Variants in GALNT14 observed in about 807,000 individuals in gnomAD.
The protein encoded by GALNT14 is UDP-GalNAc:polypeptide N-acetylgalactosaminyltransferase 14.
A neutral mutation model predicts 77.5 loss-of-function variants in GALNT14; 60 were observed. The ratio of observed to expected loss-of-function variants is 0.77; its 90% CI spans 0.63 to 0.96. GALNT14 has a LOEUF of 0.96. Ranked by LOEUF, GALNT14 falls within the 40% of genes least tolerant of loss-of-function variation. GALNT14 has a pLI of 0.00. For missense variants in GALNT14, 710 were observed against 731.0 expected, an observed-to-expected ratio of 0.97 and a Z score of 0.33; for synonymous variants, 280 against 281.7, an observed-to-expected ratio of 0.99 and a Z score of 0.06.
chr2:31,082,895 G>A (rs576396817), intron 1 of GALNT14, among the ~76,000 whole-genome samples: 5 of 152,276 alleles, frequency 3.3e-5, no homozygotes, highest in Middle Eastern at 3.4e-3. Context: ...GCACACGCCT[G>A]TAGTTCCAGC....
rs752580690 is a variant in GALNT14 at position 30,945,777 on chromosome 2, A to G, written c.742+6T>C. Reference sequence around the variant, plus strand: ...TTACTGGGGAGGAGGTGTTAGCCCAACTCACCCCCTCTGAGCTCCGAGGCA... The same window carrying G: ...TTACTGGGGAGGAGGTGTTAGCCCAGCTCACCCCCTCTGAGCTCCGAGGCA... On this transcript the variant is annotated splice_donor_region_variant and intron_variant, in intron 7 of 14. Transcript: ENST00000349752. 6.2e-7 allele frequency: 1 copy of G among 1,611,256 alleles called. No individual in the cohort carries two copies. Among genetic ancestry groups the G allele is most frequent in the Non-Finnish European group, 8.5e-7 (1 of 1,177,412 alleles).
intron 1 of GALNT14, among the ~76,000 whole-genome samples, chr2:31,058,367 G>A (rs12991618): frequency 0.35 from 53,171 of 151,986 alleles, 10,042 homozygotes; most frequent in Admixed American, 0.44. Context: ...TGCCTGGTAA[G>A]GGCGTTCTCG....
intron 1 of GALNT14, among the ~76,000 whole-genome samples, chr2:31,022,181 G>T (rs1238948542): frequency 6.6e-6 from 1 of 152,230 alleles, no homozygotes; most frequent in African/African-American, 2.4e-5. Flanking sequence ...GGGTCAGAAA[G>T]GGGAGGAAGG....
chr2:30,916,708 C>A (rs1291651830), intron 13 of GALNT14, among the ~76,000 whole-genome samples: 1 of 152,158 alleles, frequency 6.6e-6, no homozygotes, highest in Non-Finnish European at 1.5e-5. Context: ...GGGATGCAGA[C>A]GGGCCACAGC....
intron 1 of GALNT14, among the ~76,000 whole-genome samples, chr2:31,046,651 A>C (rs1429842121): frequency 6.6e-6 from 1 of 152,246 alleles, no homozygotes; most frequent in South Asian, 2.1e-4. Context: ...ATGGAAACTT[A>C]TGATAACTAC....
chr2:31,096,391 T>C (rs929101980), intron 1 of GALNT14, among the ~76,000 whole-genome samples: 7 of 152,194 alleles, frequency 4.6e-5, no homozygotes, highest in African/African-American at 1.7e-4. Context: ...CCCTACTAGC[T>C]AAGCATATGG....
intron 1 of GALNT14, among the ~76,000 whole-genome samples, chr2:31,042,093 C>G (rs547481674): frequency 3.4e-4 from 52 of 152,230 alleles, no homozygotes; most frequent in African/African-American, 1.2e-3. Flanking sequence ...TAAGTGTGCA[C>G]TCAGTTTTAT....
chr2:31,011,445 A>G (rs1671025849), intron 1 of GALNT14, among the ~76,000 whole-genome samples: 1 of 152,150 alleles, frequency 6.6e-6, no homozygotes, highest in Non-Finnish European at 1.5e-5. Context: ...TTTCCCACCT[A>G]TAAAATATAG....
intron 3 of GALNT14, among the ~76,000 whole-genome samples, chr2:30,959,318 A>G (rs985631056): frequency 1.3e-5 from 2 of 152,140 alleles, no homozygotes; most frequent in Non-Finnish European, 2.9e-5. Context: ...TCCCCTCTGG[A>G]GGGAAATATC....
chr2:30,904,946 G>A, the GALNT14 span, among the ~76,000 whole-genome samples: 1 of 151,926 alleles, frequency 6.6e-6, no homozygotes, highest in South Asian at 2.1e-4. Context: ...CCCCAGCAGG[G>A]GCACACTGAC....
chr2:30,975,652 A>G (rs1017463550), intron 2 of GALNT14, among the ~76,000 whole-genome samples: 6 of 152,164 alleles, frequency 3.9e-5, no homozygotes, highest in Non-Finnish European at 5.9e-5. Flanking sequence ...ATCTATTTCT[A>G]TTGGAAATCA....
rs563558477 is a variant in GALNT14, at chr2:31,007,865, T to A, written c.130-14858A>T. ...TATTCTGGAAATGAGATTAAAATTA[T>A]CAAAACCCCTGTCACCCCTTTGCCT... On this transcript the variant is annotated intron_variant, in intron 1 of 14. Transcript: ENST00000349752. Among the ~76,000 whole-genome samples, 7 of 152,292 alleles carry A rather than the reference T, an allele frequency of 4.6e-5. No homozygotes were observed. The South Asian group carries it at 6.2e-4, about 14-fold the overall frequency.
chr2:30,890,295 A>C, the GALNT14 span, among the ~76,000 whole-genome samples: 1 of 152,190 alleles, frequency 6.6e-6, no homozygotes, highest in Non-Finnish European at 1.5e-5. Context: ...TCAGGGAAGC[A>C]GTGGGACATA....
chr2:30,948,369 G>A (rs1255119372), intron 6 of GALNT14, among the ~76,000 whole-genome samples: 1 of 152,202 alleles, frequency 6.6e-6, no homozygotes, highest in Non-Finnish European at 1.5e-5. Flanking sequence ...GACTGTCTTT[G>A]TTTACCTGGG....
At chr2:30,938,030 C>T (rs1666154930) in intron 9 of GALNT14, among the ~76,000 whole-genome samples, 1 of 151,888 alleles carries the variant, frequency 6.6e-6, no homozygotes, top group Non-Finnish European at 1.5e-5. Context: ...TCCCATAACA[C>T]ACCCACCCAC....
chr2:31,043,170 T>C (rs1399258239), intron 1 of GALNT14, among the ~76,000 whole-genome samples: 2 of 152,188 alleles, frequency 1.3e-5, no homozygotes, highest in African/African-American at 4.8e-5. Flanking sequence ...GTCTCCCAGA[T>C]ATCTGCAAGA....
chr2:30,938,384 A>ACACACACACACACACACTCTCTCT (rs1174119035), intron 9 of GALNT14, among the ~76,000 whole-genome samples: 3 of 141,692 alleles, frequency 2.1e-5, no homozygotes, highest in African/African-American at 7.9e-5. Flanking sequence ...ACACACACAC[A>ACACACACACACACACACTCTCTCT]CTCTCTCTCT....
chr2:31,029,523 T>C (rs908734086), intron 1 of GALNT14, among the ~76,000 whole-genome samples: 5 of 152,230 alleles, frequency 3.3e-5, no homozygotes, highest in African/African-American at 1.2e-4. Context: ...TGTAATCATA[T>C]AGAACCACAT....
At chr2:30,942,494 T>G (rs1021450476) in intron 8 of GALNT14, among the ~76,000 whole-genome samples, 190 bp from the exon 9 acceptor site, 1 of 152,220 alleles carries the variant, frequency 6.6e-6, no homozygotes, top group Admixed American at 6.5e-5. Context: ...TCCAGTTACC[T>G]AAAATGAGAA....
Sources: gnomAD v4.1 joint callset for allele counts (sites outside exome capture counted in the v4.1 genomes callset) on GRCh38, gnomAD v4.1.1 for gene constraint, MANE v1.5 for transcripts, NCBI Gene and HGNC (gene_info 2026-07-23, HGNC 2026-07-21) for gene names.